VPS45: variants seen among roughly 807,000 people sequenced by gnomAD.
VPS45 encodes vacuolar protein sorting 45 homolog.
VPS45 carries 35 observed loss-of-function variants against 75.9 expected under a neutral mutation model. The ratio of observed to expected loss-of-function variants is 0.46; its 90% confidence interval spans 0.35 to 0.61. The LOEUF is 0.61. VPS45 is among the 20% of genes least tolerant of loss of function. The pLI is 0.00. For missense variants in VPS45, 559 were observed against 685.9 expected (o/e 0.81, Z 2.07); for synonymous variants, 220 against 238.2 (o/e 0.92, Z 0.70).
chr1:150,136,506 G>A (rs587602154), intron 14 of VPS45, among the ~76,000 whole-genome samples: 128 of 152,214 alleles, frequency 8.4e-4, no homozygotes, highest in African/African-American at 3.0e-3. Flanking sequence ...AGCGAGCCAA[G>A]ATCGCACCAC....
intron 4 of VPS45, 77 bp downstream of exon 4, chr1:150,076,389 G>A: frequency 8.2e-7 from 1 of 1,217,494 alleles, no homozygotes. Flanking sequence ...AAAAAATAAG[G>A]AAAGGTCTGT....
intron 10 of VPS45, among the ~76,000 whole-genome samples, chr1:150,088,712 C>G (rs1553801292): frequency 1.3e-5 from 2 of 152,010 alleles, no homozygotes; most frequent in African/African-American, 4.8e-5. Flanking sequence ...CTCCTGAGCT[C>G]AAGCAGTCCA....
At chr1:150,076,402 C>A in intron 4 of VPS45, 90 bp downstream of exon 4, 2 of 1,035,040 alleles carry the variant, frequency 1.9e-6, no homozygotes, top group South Asian at 1.9e-5. Context: ...AGGTCTGTCT[C>A]AAAAGAAGTT....
At chr1:150,077,304 G>T in intron 6 of VPS45, 73 bp downstream of exon 6, 5 of 1,528,148 alleles carry the variant, frequency 3.3e-6, no homozygotes, top group Non-Finnish European at 4.4e-6. Flanking sequence ...AGAAACTAAA[G>T]GAATAGTTTA....
intron 7 of VPS45, 69 bp from the exon 8 acceptor site, chr1:150,081,273 T>G (rs1655686190): frequency 6.9e-7 from 1 of 1,447,748 alleles, no homozygotes; most frequent in South Asian, 1.3e-5. Flanking sequence ...AGTTTTTATT[T>G]GTTTTCCTGA....
At chr1:150,082,584 T>C (rs1209700320) in intron 9 of VPS45, 132 bp from the exon 10 acceptor site, 21 of 1,078,094 alleles carry the variant, frequency 1.9e-5, no homozygotes, top group African/African-American at 3.2e-5. Context: ...CAAAATGCCA[T>C]GTGGCTGAAA....
At chr1:150,068,882 G>T (rs1021903716) in intron 2 of VPS45, 118 bp downstream of exon 2, 19 of 1,132,306 alleles carry the variant, frequency 1.7e-5, no homozygotes, top group Admixed American at 2.8e-5. Context: ...TAATTATCCT[G>T]GTTCATCAGT....
chr1:150,082,027 CAT>C (rs782460539), intron 9 of VPS45, 30 bp downstream of exon 9: 112 of 1,410,568 alleles, frequency 7.9e-5, no homozygotes, highest in African/African-American at 4.9e-4. Flanking sequence ...GAATGACAAA[CAT>C]GTGACAGTTT....
intron 14 of VPS45, among the ~76,000 whole-genome samples, chr1:150,116,156 T>C (rs1195817418): frequency 2.0e-5 from 3 of 152,216 alleles, no homozygotes; most frequent in African/African-American, 7.2e-5. Flanking sequence ...GATAAAATGG[T>C]AGTGACATTA....
chr1:150,086,303 A>G (rs587704619), intron 10 of VPS45, among the ~76,000 whole-genome samples: 20 of 152,232 alleles, frequency 1.3e-4, no homozygotes, highest in Non-Finnish European at 2.6e-4. Context: ...TGAGAGTGCA[A>G]TGAGCTAATA....
At chr1:150,069,837 C>G (rs1553796669) in intron 2 of VPS45, among the ~76,000 whole-genome samples, 1 of 152,138 alleles carries the variant, frequency 6.6e-6, no homozygotes, top group Non-Finnish European at 1.5e-5. Context: ...TTCCAAAATG[C>G]AAATTTGATC....
intron 7 of VPS45, among the ~76,000 whole-genome samples, chr1:150,079,344 G>T (rs1553798802): frequency 6.6e-6 from 1 of 152,138 alleles, no homozygotes; most frequent in African/African-American, 2.4e-5. Flanking sequence ...AGTCTCACCA[G>T]TGTTTTTTCT....
At chr1:150,087,602 G>C (rs587616972) in intron 10 of VPS45, among the ~76,000 whole-genome samples, 1 of 152,294 alleles carries the variant, frequency 6.6e-6, no homozygotes, top group South Asian at 2.1e-4. Context: ...GACAAGTCAA[G>C]TAGTTATGAG....
intron 3 of VPS45, among the ~76,000 whole-genome samples, chr1:150,075,281 A>G (rs587643775): frequency 6.0e-5 from 9 of 151,182 alleles, no homozygotes; most frequent in African/African-American, 2.2e-4. Flanking sequence ...CAATTTATTT[A>G]TTGAAGAAAC....
At chr1:150,076,857 A>G in intron 4 of VPS45, 59 bp from the exon 5 acceptor site, 1 of 1,588,248 alleles carries the variant, frequency 6.3e-7, no homozygotes, top group South Asian at 1.1e-5. Context: ...TTATGAAAAT[A>G]TTACTGCTTG....
intron 14 of VPS45, among the ~76,000 whole-genome samples, chr1:150,112,603 A>C (rs1203607318): frequency 6.6e-6 from 1 of 152,128 alleles, no homozygotes; most frequent in Admixed American, 6.5e-5. Flanking sequence ...CCAATTCTCC[A>C]GACACCAACT....
intron 2 of VPS45, 54 bp from the exon 3 acceptor site, chr1:150,072,112 T>G: frequency 6.6e-7 from 1 of 1,509,670 alleles, no homozygotes; most frequent in Admixed American, 1.7e-5. Context: ...GCTTATTACT[T>G]TTTTCCTTAA....
At chr1:150,094,666 C>G (rs1228908954) in intron 13 of VPS45, among the ~76,000 whole-genome samples, 3 of 152,196 alleles carry the variant, frequency 2.0e-5, no homozygotes, top group African/African-American at 7.2e-5. Context: ...TCAGAAATGT[C>G]AGCTAAGTGG....
At chr1:150,077,399 A>T in intron 6 of VPS45, 168 bp downstream of exon 6, 1 of 931,890 alleles carries the variant, frequency 1.1e-6, no homozygotes, top group Non-Finnish European at 1.6e-6. Flanking sequence ...CAACAATTAG[A>T]GCTAAGATTC....
Sources: gnomAD v4.1 joint callset for allele counts (sites outside exome capture counted in the v4.1 genomes callset) on GRCh38, gnomAD v4.1.1 for gene constraint, MANE v1.5 for transcripts, NCBI Gene and HGNC (gene_info 2026-07-23, HGNC 2026-07-21) for gene names.